NR2F2: variants seen among roughly 807,000 people sequenced by gnomAD.
NR2F2 encodes COUP transcription factor 2.
NR2F2 carries 2 observed loss-of-function variants against 34.8 expected under a neutral mutation model. The observed-to-expected ratio is 0.06, with a 90% CI of 0.02 to 0.18. The LOEUF (loss-of-function observed/expected upper bound fraction) is 0.18. Ranked by LOEUF, NR2F2 falls within the 10% of genes least tolerant of loss-of-function variation. The pLI is 1.00. For missense variants in NR2F2, 300 were observed against 580.1 expected (o/e 0.52, Z 4.96); for synonymous variants, 274 against 251.8 (o/e 1.09, Z -0.84).
upstream of NR2F2, among the ~76,000 whole-genome samples, chr15:96,329,719 G>T (rs1899079009): frequency 6.6e-6 from 1 of 152,136 alleles, no homozygotes; most frequent in South Asian, 2.1e-4. Context: ...CCATCAGTGG[G>T]CAGAGGTCTT....
chr15:96,333,979 T>G, intron 1 of NR2F2, 97 bp from the exon 2 acceptor site: 1 of 1,536,838 alleles, frequency 6.5e-7, no homozygotes, highest in Non-Finnish European at 8.7e-7. Context: ...GCTCAGGGCC[T>G]GGGTCAGGTG....
At position 96,338,344 on chromosome 15, in the gene NR2F2, T is replaced by G. The variant is rs1899395863; in HGVS notation, c.*722T>G. 6.6e-6 allele frequency: 1 copy of G among 152,482 alleles called. No homozygotes were observed. The highest frequency in any genetic ancestry group is 1.5e-5 in the Non-Finnish European group (1 of 68,038). 9.4% of individuals were successfully genotyped at this position (152,482 alleles called of 1,614,324 possible). On this transcript the variant is annotated 3_prime_UTR_variant, in exon 3 of 3. Coordinates refer to ENST00000394166, the MANE Select transcript of NR2F2 (RefSeq NM_021005.4). ...CCCTGCCCCTCCCCAAAAGAAACCATGACAAACCTAGCTTTTAAAAAATAT... is the reference window on the plus strand; with the variant it reads ...CCCTGCCCCTCCCCAAAAGAAACCAGGACAAACCTAGCTTTTAAAAAATAT...
Position 96,331,157 on chromosome 15 carries a change from T to TCGGCGGCGGCTCCGGCGG in NR2F2, c.-947_-930dup. 1 of 1,005,660 alleles carries TCGGCGGCGGCTCCGGCGG rather than the reference T, an allele frequency of 9.9e-7. No homozygotes were observed. The highest frequency in any genetic ancestry group is 1.2e-6 in the Non-Finnish European group (1 of 838,420). The allele number at this position is 1,005,660 out of a possible 1,614,324, so 62.3% of individuals were successfully genotyped here. A position where few individuals can be genotyped will look rare whatever the true frequency, so the allele number is the denominator to read the frequency against. On this transcript the variant is annotated 5_prime_UTR_variant, in exon 1 of 3. Transcript: ENST00000394166. ...CGGCTCCGGGCCCGACCCGGCGGCT[T>TCGGCGGCGGCTCCGGCGG]CGGCGGCGGCTCCGGCGGCAGCGGC...
intron 2 of NR2F2, among the ~76,000 whole-genome samples, chr15:96,337,146 C>T (rs1899350138): frequency 6.6e-6 from 1 of 152,022 alleles, no homozygotes; most frequent in African/African-American, 2.4e-5. Flanking sequence ...CTTGCTCTTT[C>T]TTCCCCCACC....
intron 1 of NR2F2, chr15:96,333,251 C>T (rs1383270525): frequency 3.4e-5 from 26 of 767,800 alleles, no homozygotes; most frequent in Non-Finnish European, 3.9e-5. Flanking sequence ...CGTGCTTTGC[C>T]AATGGCGCGC....
intron 1 of NR2F2, chr15:96,333,783 C>T (rs1159435724): frequency 3.6e-6 from 5 of 1,384,046 alleles, no homozygotes; most frequent in South Asian, 1.9e-5. Flanking sequence ...ACATCCCGCC[C>T]ACAGCGCCGG....
chr15:96,326,226 C>T (rs759292116), upstream of NR2F2: 224 of 1,128,512 alleles, frequency 2.0e-4, 2 homozygotes, highest in Admixed American at 5.1e-5. This position sits in a 1 kb window ranked among gnomAD's most constrained non-coding sequence, Gnocchi z 5.5. Context: ...CTTTAATTAT[C>T]AAAGACACAT....
intron 2 of NR2F2, 151 bp from the exon 3 acceptor site, chr15:96,337,197 T>A (rs773751650): frequency 3.1e-4 from 237 of 766,988 alleles, no homozygotes; most frequent in Admixed American, 7.9e-4. Context: ...AGACATTTGC[T>A]CCAACTCCGG....
chr15:96,334,012 C>G, intron 1 of NR2F2, 64 bp from the exon 2 acceptor site: 1 of 1,561,434 alleles, frequency 6.4e-7, no homozygotes, highest in Admixed American at 1.7e-5. Flanking sequence ...GGGCAGACCC[C>G]GCCGGGGAAC....
In NR2F2 at chr15:96,332,240, A is replaced by G. The variant is rs1375546674; in HGVS notation, c.135A>G (p.Gln45=). Residue 45 remains glutamine, a synonymous_variant, in exon 1 of 3, where the codon CAA becomes CAG. Transcript: ENST00000394166. The stretch of plus-strand genomic sequence containing the variant: ...CGCACACGCCACAGACGCCCGGCCA[A>G]GGGGGCCCAGCCAGCACGCCAGCCC... ...GAPHTPQTPG[Q]GGPASTPAQT... 6.5e-7 allele frequency: 1 copy of G among 1,538,304 alleles called. No homozygotes were observed. The highest frequency in any genetic ancestry group is 2.0e-5 in the Admixed American group (1 of 50,666).
upstream of NR2F2, chr15:96,326,071 A>G (rs1898973950): frequency 3.4e-6 from 2 of 587,204 alleles, no homozygotes; most frequent in Non-Finnish European, 6.1e-6. This position sits in a 1 kb window ranked among gnomAD's most constrained non-coding sequence, Gnocchi z 5.5. Flanking sequence ...GGGTTTTCCA[A>G]GGCTGAGAGA....
At position 96,334,503 on chromosome 15, in the gene NR2F2, C is replaced by T; in HGVS notation, c.870C>T (p.Asp290=). ...MSADRVVAFM[D]HIRIFQEQVE... Reference sequence around the variant, plus strand: ...CCGACCGGGTGGTCGCCTTTATGGACCACATACGGATCTTCCAAGAGCAAG... The same window carrying T: ...CCGACCGGGTGGTCGCCTTTATGGATCACATACGGATCTTCCAAGAGCAAG... The change falls in exon 2 of 3, where the codon GAC becomes GAT. Residue 290 remains aspartate (D), a synonymous_variant. Transcript: ENST00000394166. The T allele has an allele frequency of 6.2e-7, 1 of 1,613,766 alleles. No individual in the cohort carries two copies. The highest frequency in any genetic ancestry group is 8.5e-7 in the Non-Finnish European group (1 of 1,179,994).
chr15:96,334,053 AGT>A, intron 1 of NR2F2, 21 bp from the exon 2 acceptor site: 1 of 1,602,998 alleles, frequency 6.2e-7, no homozygotes, highest in Middle Eastern at 1.7e-4. Flanking sequence ...TTAACTGTGG[AGT>A]GTCTCCTTTC....
At chr15:96,337,231 G>A (rs1899353380) in intron 2 of NR2F2, 117 bp from the exon 3 acceptor site, 1 of 1,225,560 alleles carries the variant, frequency 8.2e-7, no homozygotes. Context: ...ACAGAGCTCT[G>A]TGCACACACC....
chr15:96,332,111 A>G lies in NR2F2; in HGVS notation c.6A>G (p.Ala2=). The G allele has an allele frequency of 7.5e-7, 1 of 1,336,838 alleles. No individual in the cohort carries two copies. The highest frequency in any genetic ancestry group is 9.6e-7 in the Non-Finnish European group (1 of 1,043,970). 82.8% of individuals were successfully genotyped at this position (1,336,838 alleles called of 1,614,324 possible). The change falls in exon 1 of 3, where the codon GCA becomes GCG. Residue 2 remains alanine, a synonymous_variant. Coordinates refer to ENST00000394166, the MANE Select transcript of NR2F2 (RefSeq NM_021005.4). ...CGGACGCAGCCCCCATAGATATGGC[A>G]ATGGTAGTCAGCACGTGGCGCGACC... is the stretch of plus-strand genomic sequence containing the variant. The part of the protein sequence containing the change: M[A]MVVSTWRDPQ...
upstream of NR2F2, chr15:96,326,056 G>A (rs1898973348): frequency 5.2e-6 from 3 of 577,860 alleles, no homozygotes; most frequent in East Asian, 2.9e-5. The surrounding 1 kb of genome is among the most constrained non-coding windows in gnomAD (Gnocchi z 5.5). Context: ...TAAAGTTAGT[G>A]TGCAGGGTTT....
downstream of NR2F2, chr15:96,340,263 ATCCC>A (rs1189943229): frequency 6.6e-6 from 1 of 152,202 alleles, no homozygotes; most frequent in African/African-American, 2.4e-5. Context: ...GCAAAAGACA[ATCCC>A]TGTTTTATTA....
chr15:96,337,311 C>T (rs576800234), intron 2 of NR2F2, 37 bp from the exon 3 acceptor site: 64 of 1,478,202 alleles, frequency 4.3e-5, no homozygotes, highest in Non-Finnish European at 5.4e-5. Context: ...TCTTCTTTTT[C>T]TTCTTCTTCT....
In NR2F2 at chr15:96,331,022, A is replaced by C. The variant is rs979224104; in HGVS notation, c.-1084A>C. On this transcript the variant is annotated 5_prime_UTR_variant, in exon 1 of 3. Transcript: ENST00000394166. ...TTTCTCCCCCGCCGCCGGCGAGTTGACTCTTTCCCTATGTGTGTGAGGCGG... is the reference window on the plus strand; with the variant it reads ...TTTCTCCCCCGCCGCCGGCGAGTTGCCTCTTTCCCTATGTGTGTGAGGCGG... The C allele has an allele frequency of 1.6e-6, 2 of 1,223,580 alleles. No homozygotes were observed. Among genetic ancestry groups the C allele is most frequent in the African/African-American group, 3.2e-5 (2 of 63,070 alleles). The allele number at this position is 1,223,580 out of a possible 1,614,324, so 75.8% of individuals were successfully genotyped here.
Sources: allele counts gnomAD v4.1 joint callset (sites outside exome capture counted in the v4.1 genomes callset), GRCh38; gene constraint gnomAD v4.1.1; non-coding constraint Gnocchi (gnomAD v3.1); transcripts MANE v1.5; gene names NCBI Gene and HGNC (gene_info 2026-07-23, HGNC 2026-07-21).